PAFAH1B1: variants seen among roughly 807,000 people sequenced by gnomAD.
The protein encoded by PAFAH1B1 is platelet activating factor acetylhydrolase 1b regulatory subunit 1, also known as platelet-activating factor acetylhydrolase IB subunit beta.
Under a neutral mutation model 57.5 loss-of-function variants are expected in PAFAH1B1, and 2 were observed. The observed-to-expected ratio is 0.03, with a 90% CI of 0.01 to 0.11. The LOEUF (loss-of-function observed/expected upper bound fraction) is 0.11. Ranked by LOEUF, PAFAH1B1 falls within the 10% of genes least tolerant of loss-of-function variation. PAFAH1B1 has a pLI of 1.00. For synonymous variants in PAFAH1B1, 152 were observed against 169.6 expected (o/e 0.90, Z 0.81); for missense variants, 257 against 512.0 (o/e 0.50, Z 4.81).
At chr17:2,610,164 A>G (rs1195231642) in intron 1 of PAFAH1B1, among the ~76,000 whole-genome samples, 2 of 152,220 alleles carry the variant, frequency 1.3e-5, no homozygotes, top group African/African-American at 4.8e-5. Context: ...ACGCAGTTCT[A>G]TCATTGGTGT....
intron 1 of PAFAH1B1, among the ~76,000 whole-genome samples, chr17:2,617,144 C>T (rs981622073): frequency 2.6e-5 from 4 of 152,134 alleles, no homozygotes; most frequent in African/African-American, 9.7e-5. Context: ...TTACTTAAAT[C>T]TAAGTCTGAT....
At chr17:2,609,917 T>A (rs767920582) in intron 1 of PAFAH1B1, among the ~76,000 whole-genome samples, 4 of 152,100 alleles carry the variant, frequency 2.6e-5, no homozygotes, top group African/African-American at 7.2e-5. Context: ...CTTTGCCTCC[T>A]GGGTTCAAAC....
intron 1 of PAFAH1B1, among the ~76,000 whole-genome samples, chr17:2,609,990 A>G (rs1360892088): frequency 6.6e-6 from 1 of 152,044 alleles, no homozygotes; most frequent in Non-Finnish European, 1.5e-5. Context: ...ATGCCCTGCT[A>G]ATTTTTGTAT....
intron 2 of PAFAH1B1, among the ~76,000 whole-genome samples, chr17:2,653,636 G>C (rs1372095051): frequency 6.6e-6 from 1 of 152,034 alleles, no homozygotes; most frequent in East Asian, 1.9e-4. Context: ...GTGTGAATTT[G>C]AATTTTGTTA....
chr17:2,611,609 A>G (rs896997608), intron 1 of PAFAH1B1, among the ~76,000 whole-genome samples: 3 of 152,162 alleles, frequency 2.0e-5, no homozygotes, highest in Admixed American at 2.0e-4. Context: ...GATTAAATGT[A>G]AGGAGAGGTT....
Position 2,680,250 on chromosome 17 carries a change from C to T in PAFAH1B1, c.1089C>T (p.Arg363=), listed in dbSNP as rs746755557. ...GTTGTGCTGATGACAAGACCCTACGCGTATGGGATTACAAGAACAAGCGAT... is the reference window on the plus strand; with the variant it reads ...GTTGTGCTGATGACAAGACCCTACGTGTATGGGATTACAAGAACAAGCGAT... ...ILSCADDKTL[R]VWDYKNKRCM... Residue 363 remains arginine (R), a synonymous_variant, in exon 10 of 11, where the codon CGC becomes CGT. Coordinates refer to ENST00000397195, the MANE Select transcript of PAFAH1B1 (RefSeq NM_000430.4). 3.7e-5 allele frequency: 60 copies of T among 1,613,780 alleles called. No homozygotes were observed. The highest frequency in any genetic ancestry group is 4.9e-5 in the Non-Finnish European group (58 of 1,179,816).
chr17:2,600,268 A>G (rs1190085102), intron 1 of PAFAH1B1, among the ~76,000 whole-genome samples: 1 of 152,048 alleles, frequency 6.6e-6, no homozygotes, highest in African/African-American at 2.4e-5. Flanking sequence ...AATCTAAGGT[A>G]AAGATAGAAG....
chr17:2,683,188 T>C lies in PAFAH1B1; in HGVS notation c.*1386T>C, dbSNP rs756452734. ...GACATTTTACACAACCCGGATATGT[T>C]GTATATTTTGACCCAAAGTTACAGG... On this transcript the variant is annotated 3_prime_UTR_variant, in exon 11 of 11. Transcript: ENST00000397195. 4.6e-5 allele frequency: 7 copies of C among 152,208 alleles called. No individual in the cohort carries two copies. The highest frequency in any genetic ancestry group is 7.3e-5 in the Non-Finnish European group (5 of 68,034). The allele number at this position is 152,208 out of a possible 1,614,324, so 9.4% of individuals were successfully genotyped here.
intron 10 of PAFAH1B1, 162 bp from the exon 11 acceptor site, chr17:2,681,567 C>G: frequency 1.7e-6 from 1 of 604,930 alleles, no homozygotes; most frequent in East Asian, 2.8e-5. Flanking sequence ...CCAGCTCAAA[C>G]AGTTCTGCAT....
At chr17:2,630,394 C>A (rs954365251) in intron 1 of PAFAH1B1, among the ~76,000 whole-genome samples, 1 of 152,240 alleles carries the variant, frequency 6.6e-6, no homozygotes, top group African/African-American at 2.4e-5. Context: ...ATATAAAATT[C>A]TTGGCTGATA....
rs1338170416 is a variant in PAFAH1B1 at position 2,682,911 on chromosome 17, G to GTATA, written c.*1111_*1114dup. On this transcript the variant is annotated 3_prime_UTR_variant, in exon 11 of 11. Transcript: ENST00000397195. ...TTTGTTTATATGTAAATGTTTGTAA[G>GTATA]TATATGGGCCTATCTGTAAGTGGAT... is the stretch of plus-strand genomic sequence containing the variant. 6.6e-6 allele frequency: 1 copy of GTATA among 152,626 alleles called. No homozygotes were observed. The highest frequency in any genetic ancestry group is 1.5e-5 in the Non-Finnish European group (1 of 68,042). 9.5% of individuals were successfully genotyped at this position (152,626 alleles called of 1,614,324 possible).
intron 1 of PAFAH1B1, among the ~76,000 whole-genome samples, chr17:2,624,895 C>T (rs769881315): frequency 7.2e-5 from 11 of 152,160 alleles, no homozygotes; most frequent in Non-Finnish European, 1.3e-4. Flanking sequence ...AGGTTAGGAA[C>T]CATTGATAAT....
chr17:2,643,291 C>T (rs2068720604), intron 2 of PAFAH1B1, among the ~76,000 whole-genome samples: 1 of 151,888 alleles, frequency 6.6e-6, no homozygotes, highest in Non-Finnish European at 1.5e-5. Context: ...TTTTGTTTTC[C>T]CCCTTTTGTG....
In PAFAH1B1 at chr17:2,680,392, T is replaced by C. The variant is rs2069363607; in HGVS notation, c.1159+72T>C. 6 of 1,357,846 alleles carry C rather than the reference T, an allele frequency of 4.4e-6. No homozygotes were observed. The South Asian group carries it at 7.0e-5, about 16-fold the overall frequency. 84.1% of individuals were successfully genotyped at this position (1,357,846 alleles called of 1,614,324 possible). On this transcript the variant is annotated intron_variant, in intron 10 of 10. Coordinates refer to ENST00000397195, the MANE Select transcript of PAFAH1B1 (RefSeq NM_000430.4). ...AGACAAACTGTGTTTTACATAATCG[T>C]GTGGACTTTGCCAGGTAAGAAATGA...
At chr17:2,603,949 A>G (rs2068174674) in intron 1 of PAFAH1B1, among the ~76,000 whole-genome samples, 1 of 151,728 alleles carries the variant, frequency 6.6e-6, no homozygotes, top group Non-Finnish European at 1.5e-5. Flanking sequence ...TGTTGGTCAG[A>G]CTGGTCTCAA....
intron 9 of PAFAH1B1, among the ~76,000 whole-genome samples, chr17:2,677,109 T>C (rs1397097486): frequency 1.3e-5 from 2 of 152,172 alleles, no homozygotes; most frequent in South Asian, 4.2e-4. Context: ...GCCGAGATTG[T>C]GCCACTGCAC....
At chr17:2,657,103 C>G (rs1293868814) in intron 2 of PAFAH1B1, among the ~76,000 whole-genome samples, 1 of 152,154 alleles carries the variant, frequency 6.6e-6, no homozygotes. Context: ...TTCTTTGACA[C>G]AAGTGTTTCT....
intron 1 of PAFAH1B1, among the ~76,000 whole-genome samples, chr17:2,619,433 GTGTTGCCCAGGC>G (rs1567531233): frequency 6.6e-6 from 1 of 152,020 alleles, no homozygotes; most frequent in South Asian, 2.1e-4. Flanking sequence ...GGGTTTCACT[GTGTTGCCCAGGC>G]TGGTCTTGAA....
At chr17:2,666,179 C>T in intron 4 of PAFAH1B1, 89 bp downstream of exon 4, 1 of 1,141,086 alleles carries the variant, frequency 8.8e-7, no homozygotes, top group Non-Finnish European at 1.2e-6. Flanking sequence ...TTAATAATTG[C>T]ATCTAATCTT....
Sources: allele counts gnomAD v4.1 joint callset (sites outside exome capture counted in the v4.1 genomes callset), GRCh38; gene constraint gnomAD v4.1.1; transcripts MANE v1.5; gene names NCBI Gene and HGNC (gene_info 2026-07-23, HGNC 2026-07-21).